Variants in HDAC4 observed in about 807,000 individuals in gnomAD.
HDAC4 encodes the protein histone deacetylase A.
In HDAC4, 16 loss-of-function variants were observed where a neutral mutation model predicts 135.1. The ratio of observed to expected loss-of-function variants is 0.12; its 90% confidence interval spans 0.08 to 0.18. The LOEUF (loss-of-function observed/expected upper bound fraction) is 0.18. Ranked by LOEUF, HDAC4 falls within the 10% of genes least tolerant of loss-of-function variation. The pLI is 1.00. For synonymous variants in HDAC4, 685 were observed against 653.4 expected (o/e 1.05, Z -0.74); for missense variants, 1,143 against 1,511.8 (o/e 0.76, Z 4.05).
chr2:239,365,645 G>A (rs532156548), intron 1 of HDAC4, among the ~76,000 whole-genome samples: 1 of 150,388 alleles, frequency 6.6e-6, no homozygotes, highest in South Asian at 2.1e-4. Context: ...CGAGGGACAT[G>A]GACAGACATG....
At chr2:239,391,244 C>T (rs1037586233) in intron 1 of HDAC4, among the ~76,000 whole-genome samples, 19 of 152,186 alleles carry the variant, frequency 1.2e-4, no homozygotes, top group African/African-American at 3.6e-4. Context: ...GGAAGCATCA[C>T]GGTGCTTCTG....
chr2:239,321,464 CAAAAAAA>C (rs10530231), intron 2 of HDAC4, among the ~76,000 whole-genome samples: 6 of 56,278 alleles, frequency 1.1e-4, no homozygotes, highest in Non-Finnish European at 1.3e-4. Context: ...GACTCCGTCT[CAAAAAAA>C]AAAAAAAAAA....
Position 239,151,414 on chromosome 2 carries a change from C to G in HDAC4, c.733+5238G>C, listed in dbSNP as rs917637929. On this transcript the variant is annotated intron_variant, in intron 7 of 26. Transcript: ENST00000543185. ...CTCACCAAGCGGGACAGCTTCCCCC[C>G]AAAATGGAGGAAAACCCACCCTATC... Among the ~76,000 whole-genome samples the G allele has an allele frequency of 3.3e-5, 5 of 152,196 alleles. 1 individual carries two copies. Among genetic ancestry groups the G allele is most frequent in the Non-Finnish European group, 1.5e-5 (1 of 68,040 alleles).
chr2:239,117,339 C>T (rs1379826305), intron 12 of HDAC4, among the ~76,000 whole-genome samples: 2 of 152,102 alleles, frequency 1.3e-5, no homozygotes, highest in Non-Finnish European at 2.9e-5. Context: ...CCACGTCTGG[C>T]TAAGGCATGG....
intron 18 of HDAC4, chr2:239,089,728 CTTTTTTTT>C: frequency 3.4e-6 from 1 of 293,210 alleles, no homozygotes; most frequent in South Asian, 4.9e-5. Context: ...CTCTTTGGAG[CTTTTTTTT>C]TTTTTTTAAG....
intron 2 of HDAC4, among the ~76,000 whole-genome samples, chr2:239,335,794 T>A (rs1359096873): frequency 1.3e-5 from 2 of 152,194 alleles, no homozygotes; most frequent in African/African-American, 4.8e-5. Flanking sequence ...AGAATTACAG[T>A]ACCATGTATT....
chr2:239,251,049 C>T (rs1168127177), intron 2 of HDAC4, among the ~76,000 whole-genome samples: 3 of 152,310 alleles, frequency 2.0e-5, no homozygotes, highest in East Asian at 1.9e-4. Context: ...CTGTGGGCGC[C>T]GTCAGCTCCC....
intron 2 of HDAC4, among the ~76,000 whole-genome samples, chr2:239,297,759 G>A (rs1181147534): frequency 6.6e-6 from 1 of 152,244 alleles, no homozygotes; most frequent in East Asian, 1.9e-4. Context: ...ACACAGGGCT[G>A]TGCCACAACG....
chr2:239,126,584 G>A lies in HDAC4; in HGVS notation c.1405C>T (p.Arg469Trp). 3 of 1,613,838 alleles carry A rather than the reference G, an allele frequency of 1.9e-6. No homozygotes were observed. Among genetic ancestry groups the A allele is most frequent in the Non-Finnish European group, 2.5e-6 (3 of 1,179,990 alleles). ...HKLRQHRPLG[R>W]TQSAPLPQNA... is the part of the protein sequence containing the mutation. ...TGGGGCAGCGGGGCCGACTGGGTCC[G>A]CCCCAGTGGGCGGTGCTGCCGCAGC... is the stretch of plus-strand genomic sequence containing the variant. Residue 469 changes from arginine to tryptophan, a missense_variant, in exon 12 of 27, where the codon CGG becomes TGG. Physicochemically the swap from Arg to Trp is moderately radical, Grantham distance 101. This residue lies in a region of HDAC4 where 272 missense variants were observed against 309.7 expected (regional missense o/e 0.88). Coordinates refer to ENST00000543185, the MANE Select transcript of HDAC4 (RefSeq NM_001378414.1).
At chr2:239,094,167 G>A (rs1002486267) in intron 17 of HDAC4, 5 of 985,302 alleles carry the variant, frequency 5.1e-6, no homozygotes, top group African/African-American at 1.7e-5. Context: ...GGTGATTCGC[G>A]GCACTGCAGG....
chr2:239,227,697 C>T (rs770460654), intron 3 of HDAC4, among the ~76,000 whole-genome samples: 5 of 152,160 alleles, frequency 3.3e-5, no homozygotes, highest in Non-Finnish European at 5.9e-5. Flanking sequence ...GCCTCGGGTG[C>T]GGAGGAACAT....
At chr2:239,138,578 T>G (rs557301260) in intron 9 of HDAC4, among the ~76,000 whole-genome samples, 41 of 152,316 alleles carry the variant, frequency 2.7e-4, no homozygotes, top group South Asian at 6.2e-4. Flanking sequence ...GCTCAACTCA[T>G]CAGAAAACTC....
intron 4 of HDAC4, among the ~76,000 whole-genome samples, chr2:239,178,912 T>C (rs1233614450): frequency 6.6e-6 from 1 of 152,084 alleles, no homozygotes; most frequent in Non-Finnish European, 1.5e-5. Context: ...GAGCAAAGCA[T>C]AGAGTGGGGT....
chr2:239,109,684 C>A (rs1485158228), intron 14 of HDAC4, among the ~76,000 whole-genome samples: 2 of 151,806 alleles, frequency 1.3e-5, no homozygotes, highest in Non-Finnish European at 2.9e-5. Flanking sequence ...AATCAGTACA[C>A]TGTGTGTGGG....
At chr2:239,229,953 C>G (rs1407060955) in intron 3 of HDAC4, among the ~76,000 whole-genome samples, 5 of 152,148 alleles carry the variant, frequency 3.3e-5, no homozygotes, top group African/African-American at 4.8e-5. Flanking sequence ...AGGCAGTTTT[C>G]TATAGCCACT....
chr2:239,107,422 C>T (rs1043286396), intron 15 of HDAC4, among the ~76,000 whole-genome samples: 1 of 152,162 alleles, frequency 6.6e-6, no homozygotes, highest in South Asian at 2.1e-4. Context: ...CTGCAGCATC[C>T]CCGAAGCCTC....
In HDAC4 at chr2:239,349,696, C is replaced by T. The variant is rs1308869716; in HGVS notation, c.22+2982G>A. 2.0e-5 allele frequency among the ~76,000 whole-genome samples: 3 copies of T among 152,218 alleles called. No individual in the cohort carries two copies. Among genetic ancestry groups the T allele is most frequent in the Non-Finnish European group, 2.9e-5 (2 of 68,046 alleles). On this transcript the variant is annotated intron_variant, in intron 2 of 26. Coordinates refer to ENST00000543185, the MANE Select transcript of HDAC4 (RefSeq NM_001378414.1). This position sits in a 1 kb window ranked among gnomAD's most constrained non-coding sequence, Gnocchi z 5.7. The stretch of plus-strand genomic sequence containing the variant: ...GGTGGTGGTATGCACGTGTTGGGCA[C>T]AAGGGGTCCTGCCTCCCAAGGGACC...
chr2:239,368,037 G>A (rs1694339830), intron 1 of HDAC4, among the ~76,000 whole-genome samples: 1 of 152,096 alleles, frequency 6.6e-6, no homozygotes, highest in Admixed American at 6.5e-5. Context: ...CCATCCCCAA[G>A]ATATCTCATT....
intron 3 of HDAC4, among the ~76,000 whole-genome samples, chr2:239,235,302 T>C (rs2047823019): frequency 6.6e-6 from 1 of 152,098 alleles, no homozygotes; most frequent in South Asian, 2.1e-4. Context: ...ACAGAAAACC[T>C]GGCCGACTTG....
Sources: gnomAD v4.1 joint callset for allele counts (sites outside exome capture counted in the v4.1 genomes callset) on GRCh38, gnomAD v4.1.1 for gene constraint, gnomAD v4.1.1 regional missense constraint, Gnocchi (gnomAD v3.1) non-coding constraint, MANE v1.5 for transcripts, NCBI Gene and HGNC (gene_info 2026-07-23, HGNC 2026-07-21) for gene names.